The following PDE1C variants were observed in gnomAD, a reference collection of about 807,000 sequenced individuals.
PDE1C encodes the protein dual specificity calcium/calmodulin-dependent 3',5'-cyclic nucleotide phosphodiesterase 1C.
PDE1C carries 62 observed loss-of-function variants against 93.1 expected under a neutral mutation model. The ratio of observed to expected loss-of-function variants is 0.67; its 90% CI spans 0.54 to 0.82. The LOEUF is 0.82. Ranked by LOEUF, PDE1C falls within the 40% of genes least tolerant of loss-of-function variation. The pLI is 0.00. For missense variants in PDE1C, 742 were observed against 884.6 expected (o/e 0.84, Z 2.04); for synonymous variants, 325 against 310.1 (o/e 1.05, Z -0.50).
chr7:31,816,246 C>A, intron 14 of PDE1C, 92 bp from the exon 15 acceptor site: 1 of 1,176,972 alleles, frequency 8.5e-7, no homozygotes, highest in South Asian at 1.4e-5. Flanking sequence ...CAAAGAGTAT[C>A]TAAGGTGTTT....
chr7:32,321,536 A>G (rs1783291673), intron 1 of PDE1C, among the ~76,000 whole-genome samples: 3 of 152,354 alleles, frequency 2.0e-5, no homozygotes, highest in South Asian at 4.1e-4. Context: ...TAGATGCCCC[A>G]GAGTTAAGGA....
At position 31,823,223 on chromosome 7, in the gene PDE1C, C is replaced by T. The variant is rs1397681070; in HGVS notation, c.1432G>A (p.Ala478Thr). 1 of 1,611,228 alleles carries T rather than the reference C, an allele frequency of 6.2e-7. No individual in the cohort carries two copies. Among genetic ancestry groups the T allele is most frequent in the Admixed American group, 1.7e-5 (1 of 59,464 alleles). The change falls in exon 14 of 18, where the codon GCC becomes ACC. Residue 478 changes from alanine to threonine, a missense_variant. Physicochemically the swap from Ala to Thr is moderately conservative, Grantham distance 58. Around this residue, in one of 4 missense-constraint regions of PDE1C, gnomAD observed 454 missense variants for 459.4 expected, o/e 0.99. Coordinates refer to ENST00000396191, the MANE Select transcript of PDE1C (RefSeq NM_001191057.4). ...SSLNSISSSD[A>T]KRSGVKTSGS... ...GAGGTCTTGACACCTGATCGCTTGGCATCTGACGAGCTGATGCTATTCAAA... is the reference window on the plus strand; with the variant it reads ...GAGGTCTTGACACCTGATCGCTTGGTATCTGACGAGCTGATGCTATTCAAA...
intron 2 of PDE1C, among the ~76,000 whole-genome samples, chr7:31,953,929 A>C (rs1807762547): frequency 6.6e-6 from 1 of 152,248 alleles, no homozygotes; most frequent in East Asian, 1.9e-4. Context: ...GGAATAATTT[A>C]AACCGTGATG....
chr7:32,307,144 C>T (rs1234746239), intron 1 of PDE1C, among the ~76,000 whole-genome samples: 1 of 152,152 alleles, frequency 6.6e-6, no homozygotes, highest in Admixed American at 6.5e-5. Flanking sequence ...TAACAAATAT[C>T]CAAATTCTCA....
At position 31,995,349 on chromosome 7, in the gene PDE1C, T is replaced by C. The variant is rs1295713609; in HGVS notation, c.128+56205A>G. The stretch of plus-strand genomic sequence containing the variant: ...AGAGAGTCCATTACGCAATTTTTGT[T>C]TTGAAGACCCAAAACACAAACTTGC... On this transcript the variant is annotated intron_variant, in intron 2 of 17. Coordinates refer to ENST00000396191, the MANE Select transcript of PDE1C (RefSeq NM_001191057.4). Among the ~76,000 whole-genome samples the C allele has an allele frequency of 7.9e-4, 120 of 152,118 alleles. 2 individuals are homozygous for C. The highest frequency in any genetic ancestry group is 1.6e-4 in the Non-Finnish European group (11 of 68,020).
At chr7:32,419,158 C>G (rs1209601296) in intron 1 of PDE1C, among the ~76,000 whole-genome samples, 4 of 152,150 alleles carry the variant, frequency 2.6e-5, no homozygotes, top group Admixed American at 6.5e-5. Context: ...GAGGTGATAT[C>G]TGAGATGGGC....
At chr7:32,120,712 C>G (rs546336375) in intron 3 of PDE1C, among the ~76,000 whole-genome samples, 1 of 152,212 alleles carries the variant, frequency 6.6e-6, no homozygotes, top group Admixed American at 6.5e-5. Flanking sequence ...CCAAAAAACC[C>G]CATCCAAGGT....
intron 16 of PDE1C, among the ~76,000 whole-genome samples, chr7:31,793,933 T>C (rs1453946384): frequency 6.6e-6 from 1 of 151,708 alleles, no homozygotes; most frequent in Non-Finnish European, 1.5e-5. Context: ...CATCATGTAT[T>C]ATTCCAGCAC....
intron 2 of PDE1C, among the ~76,000 whole-genome samples, chr7:31,882,137 A>C (rs949232201): frequency 1.3e-5 from 2 of 152,170 alleles, no homozygotes; most frequent in Non-Finnish European, 2.9e-5. Flanking sequence ...ACCATAAAAT[A>C]ATTTCCAGGA....
At chr7:31,652,226 G>T in the PDE1C span, among the ~76,000 whole-genome samples, 2 of 152,158 alleles carry the variant, frequency 1.3e-5, no homozygotes, top group African/African-American at 4.8e-5. Flanking sequence ...CCAGCTGATG[G>T]TGATTCTGTA....
At chr7:32,335,972 G>C (rs531936188) in intron 1 of PDE1C, among the ~76,000 whole-genome samples, 2 of 152,180 alleles carry the variant, frequency 1.3e-5, no homozygotes, top group South Asian at 4.2e-4. Context: ...TTACAGGCAT[G>C]AGTCACCACA....
At chr7:31,642,132 C>T in the PDE1C span, 60 of 1,418,600 alleles carry the variant, frequency 4.2e-5, no homozygotes, top group Admixed American at 2.4e-4. Context: ...CTGCTGGCTG[C>T]GTGTTTTCCC....
intron 2 of PDE1C, among the ~76,000 whole-genome samples, chr7:32,046,457 T>C (rs1312792291): frequency 6.6e-6 from 1 of 152,112 alleles, no homozygotes; most frequent in Non-Finnish European, 1.5e-5. Context: ...CTTCAATACT[T>C]ATATCTATTA....
At chr7:32,319,814 C>T (rs962262806) in intron 1 of PDE1C, among the ~76,000 whole-genome samples, 2 of 152,228 alleles carry the variant, frequency 1.3e-5, no homozygotes, top group African/African-American at 2.4e-5. Context: ...ATTGCTCCTA[C>T]AGACATTTTT....
In PDE1C at chr7:32,185,399, C is replaced by T. The variant is rs925625219; in HGVS notation, c.137-15443G>A. On this transcript the variant is annotated intron_variant, in intron 2 of 18. Transcript: ENST00000396193. ...CTTCACCTTTGGTTTCCATTCTAGC[C>T]TTTAGTTTCTTCTTTTACGTTGTTT... Among the ~76,000 whole-genome samples, 9 of 152,104 alleles carry T rather than the reference C, an allele frequency of 5.9e-5. No homozygotes were observed. In the East Asian group the frequency reaches 1.7e-3, roughly 29 times the overall value.
intron 2 of PDE1C, among the ~76,000 whole-genome samples, chr7:31,975,576 T>TA (rs1322515497): frequency 1.4e-4 from 22 of 151,994 alleles, no homozygotes; most frequent in African/African-American, 5.3e-4. Context: ...CATATCTAAT[T>TA]TTATATATAT....
chr7:31,906,835 G>C (rs1296878105), intron 2 of PDE1C, among the ~76,000 whole-genome samples: 2 of 152,106 alleles, frequency 1.3e-5, no homozygotes, highest in African/African-American at 4.8e-5. Context: ...AGGAATAAGA[G>C]TATCTTCCTC....
intron 2 of PDE1C, among the ~76,000 whole-genome samples, chr7:32,033,877 G>T (rs1434405631): frequency 1.3e-5 from 2 of 151,978 alleles, no homozygotes; most frequent in Non-Finnish European, 2.9e-5. Flanking sequence ...TCCCCAAAAG[G>T]ATATAGCTTA....
chr7:32,092,846 C>T (rs779377695), intron 3 of PDE1C, among the ~76,000 whole-genome samples: 2 of 151,960 alleles, frequency 1.3e-5, no homozygotes, highest in African/African-American at 2.4e-5. Flanking sequence ...GCTGAATCTA[C>T]ACAACTTGTA....
Sources: allele counts gnomAD v4.1 joint callset (sites outside exome capture counted in the v4.1 genomes callset), GRCh38; gene constraint gnomAD v4.1.1; regional missense constraint gnomAD v4.1.1; transcripts MANE v1.5; gene names NCBI Gene and HGNC (gene_info 2026-07-23, HGNC 2026-07-21).